The following NFX1 variants were observed in gnomAD, a reference collection of about 807,000 sequenced individuals.
NFX1 encodes the protein nuclear transcription factor, X-box binding 1.
NFX1 carries 69 observed loss-of-function variants against 137.2 expected under a neutral mutation model. The ratio of observed to expected loss-of-function variants is 0.50; its 90% CI spans 0.41 to 0.61. The LOEUF is 0.61. Ranked by LOEUF, NFX1 falls within the 20% of genes least tolerant of loss-of-function variation. The pLI, the probability that NFX1 is intolerant of heterozygous loss-of-function variation, is 0.00. For synonymous variants in NFX1, 495 were observed against 474.1 expected (o/e 1.04, Z -0.57); for missense variants, 1,167 against 1,391.0 (o/e 0.84, Z 2.56).
In NFX1 at chr9:33,294,994, G is replaced by A. The variant is rs747975920; in HGVS notation, c.600G>A (p.Pro200=). Residue 200 remains proline, a synonymous_variant, in exon 2 of 24, where the codon CCG becomes CCA. Transcript: ENST00000379540. Reference sequence around the variant, plus strand: ...GGAGTAACCGAACAACTCCAAAACCGGAGGATGCTGGACCCGAAAGTACCA... The same window carrying A: ...GGAGTAACCGAACAACTCCAAAACCAGAGGATGCTGGACCCGAAAGTACCA... ...CEWSNRTTPK[P]EDAGPESTKP... 73 of 1,614,028 alleles carry A rather than the reference G, an allele frequency of 4.5e-5. No homozygotes were observed. The South Asian group carries it at 5.3e-4, about 12-fold the overall frequency.
intron 9 of NFX1, among the ~76,000 whole-genome samples, chr9:33,320,423 A>T (rs1822343247): frequency 6.6e-6 from 1 of 152,194 alleles, no homozygotes; most frequent in African/African-American, 2.4e-5. Context: ...GAGGTTTCTC[A>T]GACTGATGCC....
At chr9:33,302,397 T>G (rs536885656) in intron 3 of NFX1, among the ~76,000 whole-genome samples, 1 of 148,030 alleles carries the variant, frequency 6.8e-6, no homozygotes, top group East Asian at 2.0e-4. Flanking sequence ...AGTCTTACTC[T>G]GTTACCCAGG....
chr9:33,316,697 A>G (rs1245420420), intron 7 of NFX1, among the ~76,000 whole-genome samples: 1 of 152,088 alleles, frequency 6.6e-6, no homozygotes, highest in Non-Finnish European at 1.5e-5. Flanking sequence ...GTCTTTATTC[A>G]TATGTTGATA....
intron 1 of NFX1, among the ~76,000 whole-genome samples, chr9:33,292,277 T>A (rs954122875): frequency 2.0e-5 from 3 of 152,184 alleles, no homozygotes; most frequent in African/African-American, 4.8e-5. Flanking sequence ...TAGTTCCCAT[T>A]CCATGTTCGT....
intron 4 of NFX1, among the ~76,000 whole-genome samples, chr9:33,305,326 G>A (rs1821713481): frequency 6.6e-6 from 1 of 152,284 alleles, no homozygotes; most frequent in Middle Eastern, 3.4e-3. Context: ...AATCTTTGTA[G>A]GCAGAAAGAT....
chr9:33,311,235 G>C, intron 6 of NFX1, 58 bp downstream of exon 6: 1 of 1,459,706 alleles, frequency 6.9e-7, no homozygotes, highest in South Asian at 1.1e-5. Flanking sequence ...TGATTGACTT[G>C]TGAATTTCTG....
rs751574564 is a variant in NFX1 at position 33,351,777 on chromosome 9, C to T, written c.2642C>T (p.Ala881Val). The T allele has an allele frequency of 1.3e-6, 2 of 1,584,826 alleles. No homozygotes were observed. The highest frequency in any genetic ancestry group is 2.2e-5 in the East Asian group (1 of 44,648). Reference sequence around the variant, plus strand: ...ACCAGCTCACCCTGCCCTGTGACTGCTTGTAAAGCTAAGGTGGGTATTTCT... The same window carrying T: ...ACCAGCTCACCCTGCCCTGTGACTGTTTGTAAAGCTAAGGTGGGTATTTCT... ...CHTSSPCPVT[A>V]CKAKVELQCE... Residue 881 changes from alanine to valine, a missense_variant, in exon 16 of 24, where the codon GCT becomes GTT. Physicochemically the swap from Ala to Val is moderately conservative, Grantham distance 64. Around this residue, in one of 3 missense-constraint regions of NFX1, gnomAD observed 312 missense variants for 312.8 expected, o/e 1.00. Transcript: ENST00000379540.
intron 13 of NFX1, among the ~76,000 whole-genome samples, chr9:33,343,113 T>C (rs1037706130): frequency 8.5e-5 from 13 of 152,188 alleles, no homozygotes; most frequent in African/African-American, 3.1e-4. Context: ...ATGCCTCATA[T>C]GTGTTATTGA....
intron 6 of NFX1, among the ~76,000 whole-genome samples, chr9:33,313,163 C>T (rs1390911431): frequency 2.6e-5 from 4 of 152,118 alleles, no homozygotes; most frequent in South Asian, 2.1e-4. Context: ...TTTCTCCTTA[C>T]GCATGCTGCT....
chr9:33,361,754 CAA>C (rs1823998161), intron 19 of NFX1, among the ~76,000 whole-genome samples: 1 of 151,806 alleles, frequency 6.6e-6, no homozygotes, highest in Non-Finnish European at 1.5e-5. Context: ...GCCTGGGCGA[CAA>C]GAGCAGCCTG....
intron 9 of NFX1, among the ~76,000 whole-genome samples, chr9:33,322,389 C>G (rs1467634928): frequency 6.6e-6 from 1 of 152,082 alleles, no homozygotes; most frequent in Non-Finnish European, 1.5e-5. Flanking sequence ...TAAGTGTGGA[C>G]AAGAAGATGG....
intron 7 of NFX1, among the ~76,000 whole-genome samples, chr9:33,316,819 G>A (rs747319326): frequency 1.3e-5 from 2 of 151,960 alleles, no homozygotes; most frequent in Admixed American, 1.3e-4. Flanking sequence ...TCTGTCTCTC[G>A]TGCCTAGGAG....
chr9:33,348,714 A>G, intron 15 of NFX1: 2 of 974,862 alleles, frequency 2.1e-6, no homozygotes, highest in Non-Finnish European at 2.4e-6. Context: ...AATAAAGTGA[A>G]GTCCAATAAG....
intron 9 of NFX1, among the ~76,000 whole-genome samples, chr9:33,322,824 A>T (rs1213223563): frequency 1.3e-5 from 2 of 152,218 alleles, no homozygotes; most frequent in East Asian, 3.8e-4. Flanking sequence ...GCCTAAGGAC[A>T]CTTTAGAAAA....
intron 14 of NFX1, among the ~76,000 whole-genome samples, chr9:33,344,943 C>T (rs1393861443): frequency 1.3e-5 from 2 of 152,150 alleles, no homozygotes; most frequent in East Asian, 1.9e-4. Flanking sequence ...GGGCGGGTCA[C>T]TTGAGGTCAG....
At chr9:33,317,602 C>T (rs1218644158) in intron 7 of NFX1, among the ~76,000 whole-genome samples, 2 of 150,490 alleles carry the variant, frequency 1.3e-5, no homozygotes, top group Non-Finnish European at 3.0e-5. Flanking sequence ...AGGTCGAGGC[C>T]GCAGTAAGCT....
intron 7 of NFX1, among the ~76,000 whole-genome samples, chr9:33,314,260 C>T (rs1392342792): frequency 6.6e-6 from 1 of 151,814 alleles, no homozygotes; most frequent in African/African-American, 2.4e-5. Context: ...GCTGGGATTA[C>T]AGGCGTGAGC....
chr9:33,369,190 T>G (rs1461103518), intron 23 of NFX1, among the ~76,000 whole-genome samples: 1 of 152,010 alleles, frequency 6.6e-6, no homozygotes, highest in Non-Finnish European at 1.5e-5. Flanking sequence ...CTCAGCCTCC[T>G]GAGTAGCTGG....
At chr9:33,363,643 A>G (rs1824081186) in intron 19 of NFX1, among the ~76,000 whole-genome samples, 1 of 152,152 alleles carries the variant, frequency 6.6e-6, no homozygotes, top group Non-Finnish European at 1.5e-5. Flanking sequence ...TCAGATTTCT[A>G]TATTAATTTT....
Sources: gnomAD v4.1 joint callset for allele counts (sites outside exome capture counted in the v4.1 genomes callset) on GRCh38, gnomAD v4.1.1 for gene constraint, gnomAD v4.1.1 regional missense constraint, MANE v1.5 for transcripts, NCBI Gene and HGNC (gene_info 2026-07-23, HGNC 2026-07-21) for gene names.